Variants in TMEM132D observed in about 807,000 individuals in gnomAD.
TMEM132D encodes mature OL transmembrane protein.
Under a neutral mutation model 62.3 loss-of-function variants are expected in TMEM132D, and 21 were observed. That is an observed-to-expected ratio of 0.34 (90% confidence interval 0.24 to 0.49). The LOEUF (loss-of-function observed/expected upper bound fraction) is 0.49, where lower values mean the gene tolerates loss of function less well. TMEM132D is among the 20% of genes least tolerant of loss of function. The pLI is 0.99. For missense variants in TMEM132D, 1,346 were observed against 1,402.8 expected, an observed-to-expected ratio of 0.96 and a Z score of 0.65; for synonymous variants, 621 against 575.6, an observed-to-expected ratio of 1.08 and a Z score of -1.13.
At chr12:129,289,723 T>C (rs915718469) in intron 4 of TMEM132D, among the ~76,000 whole-genome samples, 2 of 152,106 alleles carry the variant, frequency 1.3e-5, no homozygotes, top group Non-Finnish European at 2.9e-5. Context: ...GCTGATTAAA[T>C]ATGACAAAGT....
At chr12:129,177,558 G>T (rs1452959885) in intron 5 of TMEM132D, among the ~76,000 whole-genome samples, 1 of 152,116 alleles carries the variant, frequency 6.6e-6, no homozygotes. Flanking sequence ...GGGAGTTCAA[G>T]ACCAGCCTGG....
chr12:129,512,328 AC>A (rs1174003918), intron 3 of TMEM132D, among the ~76,000 whole-genome samples: 13 of 152,180 alleles, frequency 8.5e-5, no homozygotes, highest in African/African-American at 3.1e-4. Flanking sequence ...TGGAGGAACT[AC>A]TGGAGAGAGA....
chr12:129,683,179 A>AT (rs1304832184), intron 2 of TMEM132D: 4 of 151,966 alleles, frequency 2.6e-5, no homozygotes, highest in Non-Finnish European at 5.9e-5. Context: ...CTGCCTTCCT[A>AT]TTTCGCATTT....
intron 3 of TMEM132D, among the ~76,000 whole-genome samples, chr12:129,479,289 G>GA (rs1346607395): frequency 2.0e-5 from 3 of 152,002 alleles, no homozygotes; most frequent in Admixed American, 6.5e-5. Context: ...AAGCTTTGGT[G>GA]AAAAAAAATT....
At chr12:129,343,675 GCTGAGGTGGATGGATCA>G (rs1869586509) in intron 3 of TMEM132D, among the ~76,000 whole-genome samples, 1 of 151,946 alleles carries the variant, frequency 6.6e-6, no homozygotes, top group Non-Finnish European at 1.5e-5. Flanking sequence ...ACTTTGGGAG[GCTGAGGTGGATGGATCA>G]CTTGAGGTCA....
intron 1 of TMEM132D, among the ~76,000 whole-genome samples, chr12:129,783,848 G>T (rs770545014): frequency 1.3e-5 from 2 of 152,214 alleles, no homozygotes; most frequent in Non-Finnish European, 2.9e-5. Flanking sequence ...GATCACTTCT[G>T]CCTGTGTGGC....
intron 4 of TMEM132D, among the ~76,000 whole-genome samples, chr12:129,244,587 A>C (rs1301074222): frequency 6.6e-6 from 1 of 151,962 alleles, no homozygotes; most frequent in Non-Finnish European, 1.5e-5. Flanking sequence ...CCATCCGACT[A>C]AGTGGTGGTG....
At chr12:129,741,382 ATTGT>A (rs1340821208) in intron 1 of TMEM132D, among the ~76,000 whole-genome samples, 4 of 152,232 alleles carry the variant, frequency 2.6e-5, no homozygotes, top group African/African-American at 9.6e-5. Context: ...TGCCTGACAC[ATTGT>A]TTATTAGTCT....
At chr12:129,352,803 A>G (rs1488697430) in intron 3 of TMEM132D, among the ~76,000 whole-genome samples, 1 of 152,196 alleles carries the variant, frequency 6.6e-6, no homozygotes, top group African/African-American at 2.4e-5. Context: ...ATGGTTTTAC[A>G]CTGTTGGTGG....
chr12:129,753,242 G>C (rs1369128570), intron 1 of TMEM132D, among the ~76,000 whole-genome samples: 1 of 152,168 alleles, frequency 6.6e-6, no homozygotes, highest in Non-Finnish European at 1.5e-5. Flanking sequence ...GAACCTCCTG[G>C]AGTGAAGGCC....
intron 3 of TMEM132D, among the ~76,000 whole-genome samples, chr12:129,411,854 A>C (rs1390735367): frequency 1.3e-5 from 2 of 151,982 alleles, no homozygotes; most frequent in African/African-American, 4.8e-5. Flanking sequence ...TCTCACTCCC[A>C]TTGTTTTCAT....
chr12:129,117,042 G>T (rs534359480), intron 5 of TMEM132D, among the ~76,000 whole-genome samples: 8 of 151,558 alleles, frequency 5.3e-5, no homozygotes, highest in African/African-American at 9.7e-5. Flanking sequence ...TAAATAAACC[G>T]TGGTGTGCTA....
At chr12:129,297,679 G>A (rs1440482029) in intron 4 of TMEM132D, among the ~76,000 whole-genome samples, 1 of 152,228 alleles carries the variant, frequency 6.6e-6, no homozygotes, top group Non-Finnish European at 1.5e-5. Flanking sequence ...CAGGATGGCA[G>A]ATGAAGGGTG....
At chr12:129,617,357 G>C (rs980588179) in intron 2 of TMEM132D, among the ~76,000 whole-genome samples, 3 of 152,214 alleles carry the variant, frequency 2.0e-5, no homozygotes, top group African/African-American at 4.8e-5. Flanking sequence ...ACTCAACCCA[G>C]TTGTTGTCTC....
rs563400433 is a variant in TMEM132D at position 129,577,818 on chromosome 12, T to G, written c.969-46613A>C. The stretch of plus-strand genomic sequence containing the variant: ...GGTCACCTCTGTGTGTGTGTGTCTG[T>G]AGAGAGAGAGAATAGTTAATCGTAT... On this transcript the variant is annotated intron_variant, in intron 2 of 8. Transcript: ENST00000422113. Among the ~76,000 whole-genome samples the G allele has an allele frequency of 9.9e-4, 150 of 152,270 alleles. 6 individuals carry two copies. In the South Asian group the frequency reaches 0.031, roughly 31 times the overall value.
chr12:129,253,651 A>T (rs1457962232), intron 4 of TMEM132D, among the ~76,000 whole-genome samples: 1 of 152,196 alleles, frequency 6.6e-6, no homozygotes, highest in Non-Finnish European at 1.5e-5. Context: ...CCATGTCTCA[A>T]CTGAACTCAG....
intron 2 of TMEM132D, among the ~76,000 whole-genome samples, chr12:129,544,834 G>A (rs1876686907): frequency 6.6e-6 from 1 of 152,230 alleles, no homozygotes; most frequent in Admixed American, 6.5e-5. Context: ...AGTCAGTTAT[G>A]TGAGTGACAA....
rs970733791 is a variant in TMEM132D at position 129,327,110 on chromosome 12, G to A, written c.1299+10524C>T. ...CAATAGTAGGTGCTTCTGATGGAGCGCACGGCCATCGACAAACTGTGTTTA... is the reference window on the plus strand; with the variant it reads ...CAATAGTAGGTGCTTCTGATGGAGCACACGGCCATCGACAAACTGTGTTTA... On this transcript the variant is annotated intron_variant, in intron 4 of 8. Transcript: ENST00000422113. 4.6e-5 allele frequency among the ~76,000 whole-genome samples: 7 copies of A among 152,218 alleles called. No individual in the cohort carries two copies. In the East Asian group the frequency reaches 7.7e-4, roughly 17 times the overall value.
chr12:129,140,366 C>T (rs1230779933), intron 5 of TMEM132D, among the ~76,000 whole-genome samples: 5 of 152,240 alleles, frequency 3.3e-5, no homozygotes, highest in Middle Eastern at 3.4e-3. Context: ...AGATATGAGA[C>T]GGTCTCCCCC....
Sources: allele counts gnomAD v4.1 joint callset (sites outside exome capture counted in the v4.1 genomes callset), GRCh38; gene constraint gnomAD v4.1.1; transcripts MANE v1.5; gene names NCBI Gene and HGNC (gene_info 2026-07-23, HGNC 2026-07-21).